The following ZNF251 variants were observed in gnomAD, a reference collection of about 807,000 sequenced individuals.
ZNF251 encodes zinc finger protein 251.
In ZNF251, 14 loss-of-function variants were observed where a neutral mutation model predicts 13.5. The ratio of observed to expected loss-of-function variants is 1.04; its 90% CI spans 0.69 to 1.63. ZNF251 has a LOEUF of 1.63. Ranked by LOEUF, ZNF251 falls within the 40% of genes most tolerant of loss-of-function variation. The pLI, the probability that ZNF251 is intolerant of heterozygous loss-of-function variation, is 0.00. For synonymous variants in ZNF251, 287 were observed against 295.2 expected, an observed-to-expected ratio of 0.97 and a Z score of 0.28; for missense variants, 764 against 834.9, an observed-to-expected ratio of 0.92 and a Z score of 1.05.
chr8:144,753,274 GAAAAAAAAAAAA>G (rs11336657), intron 4 of ZNF251, among the ~76,000 whole-genome samples: 4 of 41,818 alleles, frequency 9.6e-5, no homozygotes, highest in African/African-American at 3.0e-4. Flanking sequence ...ATTCTGTCTC[GAAAAAAAAAAAA>G]AAAAAAAAAA....
chr8:144,726,102 C>G (rs1420903050), intron 4 of ZNF251, among the ~76,000 whole-genome samples: 1 of 140,554 alleles, frequency 7.1e-6, no homozygotes, highest in Non-Finnish European at 1.5e-5. Flanking sequence ...GAGTCTGAGA[C>G]AGGAGAATTG....
At chr8:144,753,274 G>GAAAAAAAA (rs11336657) in intron 4 of ZNF251, among the ~76,000 whole-genome samples, 5 of 41,834 alleles carry the variant, frequency 1.2e-4, no homozygotes, top group Admixed American at 4.1e-4. Context: ...ATTCTGTCTC[G>GAAAAAAAA]AAAAAAAAAA....
At chr8:144,724,190 A>G (rs1823451824) in intron 4 of ZNF251, among the ~76,000 whole-genome samples, 1 of 136,820 alleles carries the variant, frequency 7.3e-6, no homozygotes, top group South Asian at 2.6e-4. Context: ...CGAACCCGGG[A>G]GGCAGAGCTT....
intron 4 of ZNF251, among the ~76,000 whole-genome samples, chr8:144,732,674 T>C (rs1006208718): frequency 8.6e-5 from 13 of 151,998 alleles, no homozygotes; most frequent in Admixed American, 5.2e-4. Flanking sequence ...TAGCTGGGTG[T>C]GGTGGCAGGC....
intron 4 of ZNF251, among the ~76,000 whole-genome samples, chr8:144,737,377 C>T (rs1823941312): frequency 6.6e-6 from 1 of 152,238 alleles, no homozygotes; most frequent in East Asian, 1.9e-4. Flanking sequence ...GGATTACAGG[C>T]ATGAGCCACC....
intron 4 of ZNF251, among the ~76,000 whole-genome samples, chr8:144,732,694 C>T (rs1156980901): frequency 1.3e-5 from 2 of 152,028 alleles, no homozygotes; most frequent in Non-Finnish European, 2.9e-5. Flanking sequence ...CACTTATAGT[C>T]CCAGCTACTT....
intron 4 of ZNF251, among the ~76,000 whole-genome samples, chr8:144,732,951 G>A (rs1450358790): frequency 6.6e-6 from 1 of 152,138 alleles, no homozygotes; most frequent in Non-Finnish European, 1.5e-5. Context: ...GCCAGGCGGG[G>A]TGGCTCACAC....
intron 4 of ZNF251, among the ~76,000 whole-genome samples, chr8:144,728,974 G>C (rs1586682826): frequency 6.6e-6 from 1 of 151,008 alleles, no homozygotes; most frequent in African/African-American, 2.4e-5. Context: ...TGTAATCCCA[G>C]CTACTTGGGA....
At chr8:144,729,728 G>A (rs889277661) in intron 4 of ZNF251, among the ~76,000 whole-genome samples, 1 of 152,136 alleles carries the variant, frequency 6.6e-6, no homozygotes, top group Non-Finnish European at 1.5e-5. Context: ...GGGCATGGTG[G>A]CTCGCGCCTG....
chr8:144,726,645 T>G (rs1235890597), intron 4 of ZNF251, among the ~76,000 whole-genome samples: 2 of 151,398 alleles, frequency 1.3e-5, no homozygotes, highest in Non-Finnish European at 2.9e-5. Context: ...CCGAGGCGGG[T>G]GGATCACAAG....
intron 4 of ZNF251, among the ~76,000 whole-genome samples, chr8:144,732,786 TG>T (rs1313312882): frequency 1.5e-5 from 2 of 134,372 alleles, no homozygotes; most frequent in Non-Finnish European, 3.1e-5. Flanking sequence ...CACTCCAGCC[TG>T]GGCGACAGAG....
intron 4 of ZNF251, among the ~76,000 whole-genome samples, chr8:144,735,633 G>A (rs1041450524): frequency 2.0e-5 from 3 of 152,192 alleles, no homozygotes; most frequent in South Asian, 4.1e-4. Flanking sequence ...AAGGACGGGC[G>A]CACTCGGAGC....
chr8:144,750,885 T>G (rs1446674322), intron 4 of ZNF251, among the ~76,000 whole-genome samples: 12 of 150,686 alleles, frequency 8.0e-5, no homozygotes, highest in Admixed American at 3.3e-4. Flanking sequence ...AGTCTCGCTC[T>G]GTCACTCAGG....
In ZNF251 at chr8:144,721,927, G is replaced by T. The variant is rs1282041035; in HGVS notation, c.1733C>A (p.Thr578Asn). ...CNEYGKAFSPTSRPTEDQIMH... is the reference protein window; with the variant it reads ...CNEYGKAFSPNSRPTEDQIMH... ...TATCTGATCTTCAGTGGGTCGTGAGGTGGGACTGAAAGCTTTTCCATATTC... is the reference window on the plus strand; with the variant it reads ...TATCTGATCTTCAGTGGGTCGTGAGTTGGGACTGAAAGCTTTTCCATATTC... The change falls in exon 5 of 5, where the codon ACC becomes AAC. Residue 578 changes from threonine (T) to asparagine (N), a missense_variant. Physicochemically the swap from Thr to Asn is moderately conservative, Grantham distance 65. Transcript: ENST00000292562. 8 of 1,515,222 alleles carry T rather than the reference G, an allele frequency of 5.3e-6. No individual in the cohort carries two copies. The highest frequency in any genetic ancestry group is 6.2e-6 in the Non-Finnish European group (7 of 1,131,402). 93.9% of individuals were successfully genotyped at this position (1,515,222 alleles called of 1,614,324 possible).
chr8:144,728,627 C>A (rs1390608660), intron 4 of ZNF251, among the ~76,000 whole-genome samples: 4 of 145,556 alleles, frequency 2.7e-5, no homozygotes, highest in African/African-American at 1.0e-4. Flanking sequence ...CGCGCCACTG[C>A]ACTCCAGTCT....
intron 4 of ZNF251, among the ~76,000 whole-genome samples, chr8:144,749,111 G>A (rs1824568652): frequency 6.6e-6 from 1 of 152,218 alleles, no homozygotes; most frequent in African/African-American, 2.4e-5. Context: ...GCTGCCATGA[G>A]TCATGATCAA....
chr8:144,742,096 G>C (rs1463111717), intron 4 of ZNF251, among the ~76,000 whole-genome samples: 1 of 152,036 alleles, frequency 6.6e-6, no homozygotes, highest in East Asian at 1.9e-4. Flanking sequence ...TCAAAAGCAG[G>C]AGAGTGACCC....
chr8:144,727,790 T>C (rs1823560315), intron 4 of ZNF251, among the ~76,000 whole-genome samples: 1 of 152,184 alleles, frequency 6.6e-6, no homozygotes, highest in South Asian at 2.1e-4. Context: ...GCACTCCCAA[T>C]TTCCTTCAAG....
chr8:144,755,015 G>A, intron 1 of ZNF251: 3 of 1,385,068 alleles, frequency 2.2e-6, no homozygotes, highest in South Asian at 3.3e-5. Context: ...GCCCGGCTAA[G>A]GGGTGAAAGC....
Sources: allele counts gnomAD v4.1 joint callset (sites outside exome capture counted in the v4.1 genomes callset), GRCh38; gene constraint gnomAD v4.1.1; transcripts MANE v1.5; gene names NCBI Gene and HGNC (gene_info 2026-07-23, HGNC 2026-07-21).